Variants in CDH12 observed in about 807,000 individuals in gnomAD.
CDH12 encodes cadherin 12.
A neutral mutation model predicts 74.1 loss-of-function variants in CDH12; 41 were observed. The observed-to-expected ratio is 0.55, with a 90% CI of 0.43 to 0.72. CDH12 has a LOEUF of 0.72. CDH12 is among the 30% of genes least tolerant of loss of function. CDH12 has a pLI of 0.00. For synonymous variants in CDH12, 399 were observed against 355.0 expected, an observed-to-expected ratio of 1.12 and a Z score of -1.39; for missense variants, 945 against 977.2, an observed-to-expected ratio of 0.97 and a Z score of 0.44.
At chr5:22,452,652 T>C (rs1015138956) in intron 2 of CDH12, among the ~76,000 whole-genome samples, 3 of 151,778 alleles carry the variant, frequency 2.0e-5, no homozygotes, top group African/African-American at 7.3e-5. Context: ...CTTCATGGCA[T>C]GGGACTGGGT....
At chr5:22,628,795 C>T (rs945770671) in intron 1 of CDH12, among the ~76,000 whole-genome samples, 4 of 151,764 alleles carry the variant, frequency 2.6e-5, no homozygotes, top group African/African-American at 4.8e-5. Context: ...TACAAAAGAT[C>T]GATGAATCCA....
chr5:22,185,903 C>G (rs1271351944), intron 4 of CDH12, among the ~76,000 whole-genome samples: 2 of 152,124 alleles, frequency 1.3e-5, no homozygotes, highest in African/African-American at 4.8e-5. Context: ...GCATTAAGAA[C>G]AGTAAAAAAC....
At chr5:22,626,045 C>G (rs570096298) in intron 1 of CDH12, among the ~76,000 whole-genome samples, 1 of 152,116 alleles carries the variant, frequency 6.6e-6, no homozygotes, top group Non-Finnish European at 1.5e-5. Flanking sequence ...GTCACCACCA[C>G]CAGCATGCTA....
intron 3 of CDH12, among the ~76,000 whole-genome samples, chr5:22,340,862 G>A: frequency 6.6e-6 from 1 of 152,092 alleles, no homozygotes; most frequent in East Asian, 1.9e-4. Flanking sequence ...TTGGAATACT[G>A]AAGAAAAATA....
chr5:22,564,458 A>G (rs543347134), intron 1 of CDH12, among the ~76,000 whole-genome samples: 1 of 152,200 alleles, frequency 6.6e-6, no homozygotes, highest in African/African-American at 2.4e-5. Context: ...CACATTTTTA[A>G]TATTTGATAT....
chr5:22,116,319 G>A (rs146764189), intron 4 of CDH12, among the ~76,000 whole-genome samples: 8 of 152,248 alleles, frequency 5.3e-5, no homozygotes, highest in Middle Eastern at 3.4e-3. Context: ...TCCCACAGTT[G>A]AATTTACCTG....
At chr5:22,582,153 C>T (rs373103755) in intron 1 of CDH12, among the ~76,000 whole-genome samples, 1 of 152,176 alleles carries the variant, frequency 6.6e-6, no homozygotes, top group South Asian at 2.1e-4. Context: ...CCAAAGAATA[C>T]TTATGCCCTC....
intron 5 of CDH12, among the ~76,000 whole-genome samples, chr5:22,059,646 T>C (rs1741045462): frequency 6.6e-6 from 1 of 152,156 alleles, no homozygotes; most frequent in Non-Finnish European, 1.5e-5. Flanking sequence ...TAAACAACAT[T>C]TTTAATTATC....
At chr5:22,243,446 TA>T (rs957510751) in intron 3 of CDH12, among the ~76,000 whole-genome samples, 9 of 151,022 alleles carry the variant, frequency 6.0e-5, no homozygotes, top group African/African-American at 2.2e-4. Context: ...AAATCAAACT[TA>T]AGGAAAAGGA....
At chr5:22,571,763 G>A (rs1408569296) in intron 1 of CDH12, among the ~76,000 whole-genome samples, 1 of 152,198 alleles carries the variant, frequency 6.6e-6, no homozygotes, top group East Asian at 1.9e-4. Context: ...GACCCAGGGA[G>A]AGGGAGAGAG....
chr5:22,696,242 G>T (rs1322925103), intron 1 of CDH12, among the ~76,000 whole-genome samples: 1 of 151,840 alleles, frequency 6.6e-6, no homozygotes, highest in Non-Finnish European at 1.5e-5. Context: ...GTGGTGGCGG[G>T]CACCTGTAGT....
At chr5:21,790,831 G>T (rs1746453057) in intron 10 of CDH12, among the ~76,000 whole-genome samples, 1 of 151,834 alleles carries the variant, frequency 6.6e-6, no homozygotes, top group Admixed American at 6.6e-5. Context: ...TCAAGTCGTG[G>T]CACACATAAC....
At chr5:22,333,849 G>A (rs543380593) in intron 3 of CDH12, among the ~76,000 whole-genome samples, 2 of 152,202 alleles carry the variant, frequency 1.3e-5, no homozygotes, top group South Asian at 4.2e-4. Context: ...AATCCATGTG[G>A]TACATCATAT....
intron 1 of CDH12, among the ~76,000 whole-genome samples, chr5:22,619,980 A>G (rs1737890169): frequency 6.6e-6 from 1 of 152,134 alleles, no homozygotes; most frequent in Admixed American, 6.6e-5. Context: ...CTCAATACAG[A>G]TATTGAATGC....
intron 1 of CDH12, among the ~76,000 whole-genome samples, chr5:22,847,876 T>C (rs990581675): frequency 5.3e-5 from 8 of 151,840 alleles, no homozygotes; most frequent in Admixed American, 1.3e-4. Context: ...TATTCTTTTT[T>C]TTTCTTTCTT....
rs1274207294 is a variant in CDH12, at chr5:22,355,520, A to AT, written c.-333+49736_-333+49737insA. 6.9e-4 allele frequency among the ~76,000 whole-genome samples: 23 copies of AT among 33,548 alleles called. No individual in the cohort carries two copies. The East Asian group carries it at 0.01, about 15-fold the overall frequency. The allele number at this position is 33,548 out of a possible 152,430, so 22.0% of individuals were successfully genotyped here. On this transcript the variant is annotated intron_variant, in intron 3 of 14. Coordinates refer to ENST00000382254, the MANE Select transcript of CDH12 (RefSeq NM_004061.5). ...AGAGATATATATATTTCCTTAAAAA[A>AT]AAAATATATATATATATATATAAAA...
chr5:21,811,677 T>C (rs970828051), intron 9 of CDH12, among the ~76,000 whole-genome samples: 3 of 150,752 alleles, frequency 2.0e-5, no homozygotes, highest in African/African-American at 7.3e-5. Context: ...TAGTGTTTTA[T>C]TGCTATAACA....
At chr5:22,406,880 G>A (rs557198320) in intron 2 of CDH12, among the ~76,000 whole-genome samples, 3 of 152,170 alleles carry the variant, frequency 2.0e-5, no homozygotes, top group African/African-American at 7.2e-5. Flanking sequence ...CCAAGTATAT[G>A]AGTATAAGCC....
chr5:21,827,701 G>T (rs1462543838), intron 8 of CDH12, among the ~76,000 whole-genome samples: 3 of 152,014 alleles, frequency 2.0e-5, no homozygotes, highest in African/African-American at 4.8e-5. Flanking sequence ...ATAGGCTATG[G>T]TACAAAACCA....
Sources: gnomAD v4.1 joint callset for allele counts (sites outside exome capture counted in the v4.1 genomes callset) on GRCh38, gnomAD v4.1.1 for gene constraint, MANE v1.5 for transcripts, NCBI Gene and HGNC (gene_info 2026-07-23, HGNC 2026-07-21) for gene names.